The following SLC24A3 variants were observed in gnomAD, a reference collection of about 807,000 sequenced individuals.
SLC24A3 encodes solute carrier family 24 member 3, also known as sodium/potassium/calcium exchanger 3.
A neutral mutation model predicts 75.8 loss-of-function variants in SLC24A3; 28 were observed. The ratio of observed to expected loss-of-function variants is 0.37; its 90% CI spans 0.27 to 0.51. The LOEUF is 0.51. Among genes scored for constraint, SLC24A3 ranks in the 20% least tolerant of loss-of-function variants. SLC24A3 has a pLI of 0.94. For synonymous variants in SLC24A3, 372 were observed against 334.1 expected, an observed-to-expected ratio of 1.11 and a Z score of -1.24; for missense variants, 663 against 847.8, an observed-to-expected ratio of 0.78 and a Z score of 2.71.
intron 3 of SLC24A3, among the ~76,000 whole-genome samples, chr20:19,535,546 C>G (rs1185360674): frequency 2.0e-5 from 3 of 152,224 alleles, no homozygotes; most frequent in Admixed American, 2.0e-4. Context: ...CCCTCCAGTA[C>G]ATTCTATTGG....
intron 2 of SLC24A3, among the ~76,000 whole-genome samples, chr20:19,415,582 A>G (rs1986813021): frequency 6.6e-6 from 1 of 152,122 alleles, no homozygotes; most frequent in South Asian, 2.1e-4. Context: ...CTCTGGGCTC[A>G]CCAGAATGTA....
chr20:19,326,802 C>T (rs1174500825), intron 2 of SLC24A3, among the ~76,000 whole-genome samples: 1 of 152,148 alleles, frequency 6.6e-6, no homozygotes, highest in Non-Finnish European at 1.5e-5. Context: ...AGGCTTCCCT[C>T]AAGCTCCTGG....
intron 2 of SLC24A3, among the ~76,000 whole-genome samples, chr20:19,459,908 G>A (rs1309742393): frequency 2.0e-5 from 3 of 152,124 alleles, no homozygotes; most frequent in Admixed American, 6.5e-5. Context: ...CAATTGTGCC[G>A]CTATAAATCT....
At chr20:19,574,380 C>T (rs1217846247) in intron 3 of SLC24A3, among the ~76,000 whole-genome samples, 1 of 152,248 alleles carries the variant, frequency 6.6e-6, no homozygotes, top group Non-Finnish European at 1.5e-5. Context: ...AACATACTGA[C>T]TGCCACAATA....
At chr20:19,227,993 T>C (rs569572163) in intron 1 of SLC24A3, among the ~76,000 whole-genome samples, 1 of 152,354 alleles carries the variant, frequency 6.6e-6, no homozygotes, top group Non-Finnish European at 1.5e-5. Context: ...TGATAAAGGC[T>C]TTTAAAAAAT....
intron 2 of SLC24A3, among the ~76,000 whole-genome samples, chr20:19,366,000 T>C (rs1193047862): frequency 2.6e-5 from 4 of 152,238 alleles, no homozygotes; most frequent in Non-Finnish European, 5.9e-5. Context: ...CTCCCTTTGC[T>C]AACCCCTTCC....
At chr20:19,339,579 C>T (rs1985221546) in intron 2 of SLC24A3, among the ~76,000 whole-genome samples, 1 of 152,160 alleles carries the variant, frequency 6.6e-6, no homozygotes, top group South Asian at 2.1e-4. Context: ...GCTGGAGTTG[C>T]ATTTCACATT....
intron 2 of SLC24A3, among the ~76,000 whole-genome samples, chr20:19,357,846 A>G (rs1392362858): frequency 6.6e-6 from 1 of 152,246 alleles, no homozygotes; most frequent in African/African-American, 2.4e-5. Flanking sequence ...GGAACCTGCT[A>G]GAGCACACTG....
chr20:19,264,848 A>C (rs1003385769), intron 1 of SLC24A3, among the ~76,000 whole-genome samples: 1 of 152,162 alleles, frequency 6.6e-6, no homozygotes, highest in Non-Finnish European at 1.5e-5. Context: ...CACGTGGACA[A>C]TTCTGGGAAG....
chr20:19,294,478 C>T (rs977552796), intron 2 of SLC24A3, among the ~76,000 whole-genome samples: 3 of 151,752 alleles, frequency 2.0e-5, no homozygotes, highest in African/African-American at 7.3e-5. Flanking sequence ...TTCCCTTCCC[C>T]GTTTCCATGT....
chr20:19,402,484 T>C (rs775431798), intron 2 of SLC24A3, among the ~76,000 whole-genome samples: 4 of 152,142 alleles, frequency 2.6e-5, no homozygotes, highest in Non-Finnish European at 4.4e-5. Flanking sequence ...TTAGGGCACA[T>C]TGGAAATGAG....
At chr20:19,387,222 G>A (rs1334102761) in intron 2 of SLC24A3, among the ~76,000 whole-genome samples, 2 of 151,720 alleles carry the variant, frequency 1.3e-5, no homozygotes, top group Admixed American at 1.3e-4. Flanking sequence ...TTGTTTATTT[G>A]AATCTTCTTT....
At chr20:19,633,425 G>A (rs990606349) in intron 6 of SLC24A3, among the ~76,000 whole-genome samples, 2 of 151,930 alleles carry the variant, frequency 1.3e-5, no homozygotes, top group Non-Finnish European at 2.9e-5. Context: ...CGAGGCGGGC[G>A]GATCACGAGG....
chr20:19,595,975 G>A (rs1339435293), intron 6 of SLC24A3, among the ~76,000 whole-genome samples: 1 of 152,178 alleles, frequency 6.6e-6, no homozygotes, highest in Admixed American at 6.5e-5. Flanking sequence ...CGAGGATCAT[G>A]GAATAGGCCA....
chr20:19,482,572 C>G (rs1988072460), intron 2 of SLC24A3, among the ~76,000 whole-genome samples: 1 of 152,208 alleles, frequency 6.6e-6, no homozygotes, highest in South Asian at 2.1e-4. Context: ...TCTCTTGTGT[C>G]CCCAGTGTCC....
chr20:19,335,928 CA>C (rs748715738), intron 2 of SLC24A3, among the ~76,000 whole-genome samples: 5 of 152,196 alleles, frequency 3.3e-5, no homozygotes, highest in Non-Finnish European at 5.9e-5. Context: ...GCTAATCAAT[CA>C]CAGTGCCCTT....
chr20:19,324,703 T>C (rs1984796612), intron 2 of SLC24A3, among the ~76,000 whole-genome samples: 1 of 152,240 alleles, frequency 6.6e-6, no homozygotes. Context: ...AGAATACCAA[T>C]TATATGGCTG....
At chr20:19,398,127 CTT>C (rs1229986135) in intron 2 of SLC24A3, among the ~76,000 whole-genome samples, 12 of 152,032 alleles carry the variant, frequency 7.9e-5, no homozygotes, top group Admixed American at 7.9e-4. Context: ...TTCCTTTTGA[CTT>C]ATGATTTTAC....
intron 2 of SLC24A3, among the ~76,000 whole-genome samples, chr20:19,336,662 C>T (rs1003569546): frequency 6.6e-5 from 10 of 150,494 alleles, no homozygotes; most frequent in African/African-American, 2.4e-4. Context: ...GGATTAGAGG[C>T]GTGAGCCACT....
Sources: allele counts gnomAD v4.1 joint callset (sites outside exome capture counted in the v4.1 genomes callset), GRCh38; gene constraint gnomAD v4.1.1; transcripts MANE v1.5; gene names NCBI Gene and HGNC (gene_info 2026-07-23, HGNC 2026-07-21).